The following AVP variants were observed in gnomAD, a reference collection of about 807,000 sequenced individuals.
The protein encoded by AVP is vasopressin-neurophysin 2-copeptin.
In AVP, 9 loss-of-function variants were observed where a neutral mutation model predicts 11.1. That is an observed-to-expected ratio of 0.81 (90% confidence interval 0.49 to 1.42). The LOEUF is 1.42. AVP is among the 40% of genes most tolerant of loss of function. The pLI, the probability that AVP is intolerant of heterozygous loss-of-function variation, is 0.00. For missense variants in AVP, 206 were observed against 238.5 expected (o/e 0.86, Z 0.90); for synonymous variants, 106 against 111.3 (o/e 0.95, Z 0.30).
chr20:3,082,768 G>A lies in AVP; in HGVS notation c.357C>T (p.Gly119=). ...SCVTEPECRE[G]FHRRARASDR... ...CGCTGGCGCGGGCGCGGCGGTGAAAGCCCTCGCGGCACTCGGGCTCGGTCA... is the reference window on the plus strand; with the variant it reads ...CGCTGGCGCGGGCGCGGCGGTGAAAACCCTCGCGGCACTCGGGCTCGGTCA... Residue 119 remains glycine, a synonymous_variant, in exon 3 of 3, where the codon GGC becomes GGT. Transcript: ENST00000380293. The surrounding 1 kb of genome is among the most constrained non-coding windows in gnomAD (Gnocchi z 4.7). The A allele has an allele frequency of 1.6e-6, 2 of 1,264,292 alleles. No individual in the cohort carries two copies. The highest frequency in any genetic ancestry group is 2.7e-5 in the South Asian group (1 of 36,668). The allele number at this position is 1,264,292 out of a possible 1,614,324, so 78.3% of individuals were successfully genotyped here. A position where few individuals can be genotyped will look rare whatever the true frequency, so the allele number is the denominator to read the frequency against.
At position 3,082,595 on chromosome 20, in the gene AVP, G is replaced by T. The variant is rs2066114885; in HGVS notation, c.*35C>A. ...TTTATTGTCCGTGCTGCAGGGGCGGGCGCGAAGAGCGCGCCGGTGGGGCGA... is the reference window on the plus strand; with the variant it reads ...TTTATTGTCCGTGCTGCAGGGGCGGTCGCGAAGAGCGCGCCGGTGGGGCGA... On this transcript the variant is annotated 3_prime_UTR_variant, in exon 3 of 3. Transcript: ENST00000380293. This position sits in a 1 kb window ranked among gnomAD's most constrained non-coding sequence, Gnocchi z 4.7. The T allele has an allele frequency of 4.0e-6, 5 of 1,243,942 alleles. No homozygotes were observed. The highest frequency in any genetic ancestry group is 5.0e-6 in the Non-Finnish European group (5 of 994,864). The allele number at this position is 1,243,942 out of a possible 1,614,324, so 77.1% of individuals were successfully genotyped here.
In AVP at chr20:3,082,971, G is replaced by A; in HGVS notation, c.322+6C>T. On this transcript the variant is annotated splice_donor_region_variant and intron_variant, in intron 2 of 2. Coordinates refer to ENST00000380293, the MANE Select transcript of AVP (RefSeq NM_000490.5). This position sits in a 1 kb window ranked among gnomAD's most constrained non-coding sequence, Gnocchi z 4.7. Reference sequence around the variant, plus strand: ...CCCCAGCCCCAGGCCCGCCCCCGCCGCGCACCGTCGTTGCAGCAAACGCCG... The same window carrying A: ...CCCCAGCCCCAGGCCCGCCCCCGCCACGCACCGTCGTTGCAGCAAACGCCG... 1 of 730,512 alleles carries A rather than the reference G, an allele frequency of 1.4e-6. No individual in the cohort carries two copies. The highest frequency in any genetic ancestry group is 1.9e-6 in the Non-Finnish European group (1 of 538,460). 45.3% of individuals were successfully genotyped at this position (730,512 alleles called of 1,614,324 possible). A position where few individuals can be genotyped will look rare whatever the true frequency, so the allele number is the denominator to read the frequency against.
At position 3,084,570 on chromosome 20, in the gene AVP, G is replaced by A. The variant is rs147447861; in HGVS notation, c.105C>T (p.Asp35=). The A allele has an allele frequency of 6.2e-7, 1 of 1,613,872 alleles. No individual in the cohort carries two copies. Residue 35 remains aspartate, a synonymous_variant, in exon 1 of 3, where the codon GAC becomes GAT. Coordinates refer to ENST00000380293, the MANE Select transcript of AVP (RefSeq NM_000490.5). ...TGGGAAGTACCTGTCTCAGCTCCAG[G>A]TCGGACATGGCCCTCTTGCCGCCCC... The part of the protein sequence containing the change: ...CPRGGKRAMS[D]LELRQCLPCG...
rs1465873873 is a variant in AVP at position 3,083,634 on chromosome 20, C to T, written c.121-456G>A. Reference sequence around the variant, plus strand: ...GAGAGGCCCTACCCATCCAGAACCCCGGCCCTTCCCATTTCCTGTCTCCTC... The same window carrying T: ...GAGAGGCCCTACCCATCCAGAACCCTGGCCCTTCCCATTTCCTGTCTCCTC... On this transcript the variant is annotated intron_variant, in intron 1 of 2. Transcript: ENST00000380293. The surrounding 1 kb of genome is among the most constrained non-coding windows in gnomAD (Gnocchi z 5.4). Among the ~76,000 whole-genome samples, 1 of 152,194 alleles carries T rather than the reference C, an allele frequency of 6.6e-6. No individual in the cohort carries two copies. The highest frequency in any genetic ancestry group is 1.5e-5 in the Non-Finnish European group (1 of 68,030).
rs1385861009 is a variant in AVP, at chr20:3,083,500, G to A, written c.121-322C>T. ...AGCCTCGGGGTCATCGCTGGTGGGC[G>A]CCACTGTTGCAGCTGCCCCACCCTC... On this transcript the variant is annotated intron_variant, in intron 1 of 2. Transcript: ENST00000380293. This position sits in a 1 kb window ranked among gnomAD's most constrained non-coding sequence, Gnocchi z 5.4. Among the ~76,000 whole-genome samples, 2 of 152,122 alleles carry A rather than the reference G, an allele frequency of 1.3e-5. No individual in the cohort carries two copies. Among genetic ancestry groups the A allele is most frequent in the African/African-American group, 4.8e-5 (2 of 41,422 alleles).
rs1600331879 is a variant in AVP, at chr20:3,082,942, C to CCA, written c.322+34_322+35insTG. 2 of 870,878 alleles carry CCA rather than the reference C, an allele frequency of 2.3e-6. No individual in the cohort carries two copies. The highest frequency in any genetic ancestry group is 1.2e-4 in the East Asian group (2 of 17,240). The allele number at this position is 870,878 out of a possible 1,614,324, so 53.9% of individuals were successfully genotyped here. ...GTCCCCCCCACCCAAGCGGTCTGCG[C>CCA]CCCCCCCAGCCCCAGGCCCGCCCCC... is the stretch of plus-strand genomic sequence containing the variant. On this transcript the variant is annotated intron_variant, in intron 2 of 2. Coordinates refer to ENST00000380293, the MANE Select transcript of AVP (RefSeq NM_000490.5). This position sits in a 1 kb window ranked among gnomAD's most constrained non-coding sequence, Gnocchi z 4.7.
chr20:3,082,943 C>CA lies in AVP; in HGVS notation c.322+33_322+34insT, dbSNP rs932498498. The CA allele has an allele frequency of 1.3e-5, 16 of 1,225,052 alleles. No homozygotes were observed. The highest frequency in any genetic ancestry group is 8.1e-5 in the South Asian group (4 of 49,406). 75.9% of individuals were successfully genotyped at this position (1,225,052 alleles called of 1,614,324 possible). On this transcript the variant is annotated intron_variant, in intron 2 of 2. Transcript: ENST00000380293. This position sits in a 1 kb window ranked among gnomAD's most constrained non-coding sequence, Gnocchi z 4.7. ...TCCCCCCCACCCAAGCGGTCTGCGC[C>CA]CCCCCCAGCCCCAGGCCCGCCCCCG...
At position 3,084,601 on chromosome 20, in the gene AVP, C is replaced by T; in HGVS notation, c.74G>A (p.Cys25Tyr). Residue 25 changes from cysteine to tyrosine, a missense_variant, in exon 1 of 3, where the codon TGC becomes TAC. Coordinates refer to ENST00000380293, the MANE Select transcript of AVP (RefSeq NM_000490.5). Reference sequence around the variant, plus strand: ...CATGGCCCTCTTGCCGCCCCTCGGGCAGTTCTGGAAGTAGCACGCGGAGGA... The same window carrying T: ...CATGGCCCTCTTGCCGCCCCTCGGGTAGTTCTGGAAGTAGCACGCGGAGGA... ...AFSSACYFQN[C>Y]PRGGKRAMSD... is the part of the protein sequence containing the mutation. The T allele has an allele frequency of 6.2e-7, 1 of 1,613,978 alleles. No individual in the cohort carries two copies.
chr20:3,082,657 G>A lies in AVP; in HGVS notation c.468C>T (p.Phe156=). The change falls in exon 3 of 3, where the codon TTC becomes TTT. Residue 156 remains phenylalanine (F), a synonymous_variant. Transcript: ENST00000380293. The surrounding 1 kb of genome is among the most constrained non-coding windows in gnomAD (Gnocchi z 4.7). Reference sequence around the variant, plus strand: ...AGTAGGCGTCGGGCTGGGCGGGCTCGAAGGGCTCGGGCGCCCCGGCCAGCT... The same window carrying A: ...AGTAGGCGTCGGGCTGGGCGGGCTCAAAGGGCTCGGGCGCCCCGGCCAGCT... ...LVQLAGAPEP[F]EPAQPDAY 1 of 1,281,178 alleles carries A rather than the reference G, an allele frequency of 7.8e-7. No homozygotes were observed. 79.4% of individuals were successfully genotyped at this position (1,281,178 alleles called of 1,614,324 possible).
In AVP at chr20:3,082,963, C is replaced by T. The variant is rs1231447391; in HGVS notation, c.322+14G>A. 7 of 1,430,122 alleles carry T rather than the reference C, an allele frequency of 4.9e-6. No individual in the cohort carries two copies. The highest frequency in any genetic ancestry group is 4.3e-5 in the South Asian group (3 of 69,898). The allele number at this position is 1,430,122 out of a possible 1,614,324, so 88.6% of individuals were successfully genotyped here. On this transcript the variant is annotated intron_variant, in intron 2 of 2. Transcript: ENST00000380293. The surrounding 1 kb of genome is among the most constrained non-coding windows in gnomAD (Gnocchi z 4.7). ...TGCGCCCCCCCCAGCCCCAGGCCCGCCCCCGCCGCGCACCGTCGTTGCAGC... is the reference window on the plus strand; with the variant it reads ...TGCGCCCCCCCCAGCCCCAGGCCCGTCCCCGCCGCGCACCGTCGTTGCAGC...
rs2066120840 is a variant in AVP, at chr20:3,083,223, C to A, written c.121-45G>T. 2.1e-6 allele frequency: 3 copies of A among 1,428,260 alleles called. No individual in the cohort carries two copies. The South Asian group carries it at 4.2e-5, about 20-fold the overall frequency. 88.5% of individuals were successfully genotyped at this position (1,428,260 alleles called of 1,614,324 possible). ...GAGCGGGAGGAGGGGAGCCGGGAGT[C>A]GAGGGGTTGGAGGGGAACGCAGCGA... On this transcript the variant is annotated intron_variant, in intron 1 of 2. Coordinates refer to ENST00000380293, the MANE Select transcript of AVP (RefSeq NM_000490.5). This position sits in a 1 kb window ranked among gnomAD's most constrained non-coding sequence, Gnocchi z 5.4.
Position 3,083,500 on chromosome 20 carries a change from G to C in AVP, c.121-322C>G, listed in dbSNP as rs1385861009. Among the ~76,000 whole-genome samples, 1 of 152,122 alleles carries C rather than the reference G, an allele frequency of 6.6e-6. No homozygotes were observed. The highest frequency in any genetic ancestry group is 2.4e-5 in the African/African-American group (1 of 41,422). On this transcript the variant is annotated intron_variant, in intron 1 of 2. Transcript: ENST00000380293. The surrounding 1 kb of genome is among the most constrained non-coding windows in gnomAD (Gnocchi z 5.4). ...AGCCTCGGGGTCATCGCTGGTGGGC[G>C]CCACTGTTGCAGCTGCCCCACCCTC...
At position 3,082,899 on chromosome 20, in the gene AVP, A is replaced by ACCCCCCC; in HGVS notation, c.322+77_322+78insGGGGGGG. ...CCCTGCCGGGCCCGACGCAGCCCCC[A>ACCCCCCC]CCCCGCCGCAGGCCCGCGTCCCCCC... On this transcript the variant is annotated intron_variant, in intron 2 of 2. Coordinates refer to ENST00000380293, the MANE Select transcript of AVP (RefSeq NM_000490.5). This position sits in a 1 kb window ranked among gnomAD's most constrained non-coding sequence, Gnocchi z 4.7. The ACCCCCCC allele has an allele frequency of 1.5e-6, 1 of 667,886 alleles. No homozygotes were observed. The highest frequency in any genetic ancestry group is 1.9e-6 in the Non-Finnish European group (1 of 538,850). 41.4% of individuals were successfully genotyped at this position (667,886 alleles called of 1,614,324 possible). A position where few individuals can be genotyped will look rare whatever the true frequency, so the allele number is the denominator to read the frequency against.
Position 3,083,906 on chromosome 20 carries a change from T to C in AVP, c.120+649A>G, listed in dbSNP as rs1025506273. 2.6e-5 allele frequency among the ~76,000 whole-genome samples: 4 copies of C among 152,226 alleles called. No homozygotes were observed. Among genetic ancestry groups the C allele is most frequent in the Non-Finnish European group, 4.4e-5 (3 of 68,034 alleles). ...TGGCGCAATGGATAGCGCATTAGAC[T>C]TTTAGCTGAGCCTGGTGTGGTCTAA... On this transcript the variant is annotated intron_variant, in intron 1 of 2. Coordinates refer to ENST00000380293, the MANE Select transcript of AVP (RefSeq NM_000490.5). The surrounding 1 kb of genome is among the most constrained non-coding windows in gnomAD (Gnocchi z 5.4).
At position 3,083,873 on chromosome 20, in the gene AVP, C is replaced by CGGTT. The variant is rs2066124418; in HGVS notation, c.120+678_120+681dup. ...CGGCCACTCTCATCTGCTCAACAGC[C>CGGTT]GGTTCTCTGGCGCAATGGATAGCGC... is the stretch of plus-strand genomic sequence containing the variant. On this transcript the variant is annotated intron_variant, in intron 1 of 2. Coordinates refer to ENST00000380293, the MANE Select transcript of AVP (RefSeq NM_000490.5). The surrounding 1 kb of genome is among the most constrained non-coding windows in gnomAD (Gnocchi z 5.4). 2.6e-5 allele frequency among the ~76,000 whole-genome samples: 4 copies of CGGTT among 152,218 alleles called. No homozygotes were observed. The South Asian group carries it at 8.3e-4, about 32-fold the overall frequency.
chr20:3,082,687 C>T lies in AVP; in HGVS notation c.438G>A (p.Leu146=). 1 of 1,290,778 alleles carries T rather than the reference C, an allele frequency of 7.7e-7. No homozygotes were observed. Among genetic ancestry groups the T allele is most frequent in the Non-Finnish European group, 9.8e-7 (1 of 1,022,378 alleles). The allele number at this position is 1,290,778 out of a possible 1,614,324, so 80.0% of individuals were successfully genotyped here. A position where few individuals can be genotyped will look rare whatever the true frequency, so the allele number is the denominator to read the frequency against. Residue 146 remains leucine (L), a synonymous_variant, in exon 3 of 3, where the codon CTG becomes CTA. Coordinates refer to ENST00000380293, the MANE Select transcript of AVP (RefSeq NM_000490.5). The surrounding 1 kb of genome is among the most constrained non-coding windows in gnomAD (Gnocchi z 4.7). ...GCTCGGGCGCCCCGGCCAGCTGCAC[C>T]AGCCGCAGCAGCAAGGCCCCGGCCG... The part of the protein sequence containing the change: ...DGPAGALLLR[L]VQLAGAPEPF...
rs1267224501 is a variant in AVP at position 3,083,183 on chromosome 20, G to A, written c.121-5C>T. 1.9e-5 allele frequency: 28 copies of A among 1,473,552 alleles called. No homozygotes were observed. Among genetic ancestry groups the A allele is most frequent in the Non-Finnish European group, 2.4e-5 (27 of 1,115,546 alleles). The allele number at this position is 1,473,552 out of a possible 1,614,324, so 91.3% of individuals were successfully genotyped here. A position where few individuals can be genotyped will look rare whatever the true frequency, so the allele number is the denominator to read the frequency against. The stretch of plus-strand genomic sequence containing the variant: ...CCCGGGGCCGCAGGGGAGGCACTGC[G>A]GGGACGGGCGGGGTGAGCGGGAGGA... On this transcript the variant is annotated splice_region_variant and splice_polypyrimidine_tract_variant and intron_variant, in intron 1 of 2. Coordinates refer to ENST00000380293, the MANE Select transcript of AVP (RefSeq NM_000490.5). This position sits in a 1 kb window ranked among gnomAD's most constrained non-coding sequence, Gnocchi z 5.4.
intron 1 of AVP, among the ~76,000 whole-genome samples, chr20:3,084,055 A>G (rs2066125295): frequency 6.6e-6 from 1 of 152,224 alleles, no homozygotes; most frequent in Non-Finnish European, 1.5e-5. Context: ...GGTTCCCAGC[A>G]GAACTTCCCC....
chr20:3,083,302 G>A lies in AVP; in HGVS notation c.121-124C>T, dbSNP rs2148571075. ...AGTGCGGGCGGGACACCGGGGCTGCGGCTGCAGGCACGCTCGGGCGCCACT... is the reference window on the plus strand; with the variant it reads ...AGTGCGGGCGGGACACCGGGGCTGCAGCTGCAGGCACGCTCGGGCGCCACT... On this transcript the variant is annotated intron_variant, in intron 1 of 2. Transcript: ENST00000380293. This position sits in a 1 kb window ranked among gnomAD's most constrained non-coding sequence, Gnocchi z 5.4. 1.8e-6 allele frequency: 2 copies of A among 1,092,040 alleles called. No homozygotes were observed. Among genetic ancestry groups the A allele is most frequent in the Non-Finnish European group, 2.4e-6 (2 of 825,380 alleles). The allele number at this position is 1,092,040 out of a possible 1,614,324, so 67.6% of individuals were successfully genotyped here.
Sources: gnomAD v4.1 joint callset for allele counts (sites outside exome capture counted in the v4.1 genomes callset) on GRCh38, gnomAD v4.1.1 for gene constraint, Gnocchi (gnomAD v3.1) non-coding constraint, MANE v1.5 for transcripts, NCBI Gene and HGNC (gene_info 2026-07-23, HGNC 2026-07-21) for gene names.